LNX1: variants seen among roughly 807,000 people sequenced by gnomAD.
LNX1 encodes the protein E3 ubiquitin-protein ligase LNX.
LNX1 carries 54 observed loss-of-function variants against 68.4 expected under a neutral mutation model. The observed-to-expected ratio is 0.79, with a 90% CI of 0.63 to 0.99. The LOEUF is 0.99. LNX1 is among the 50% of genes least tolerant of loss of function. The pLI, the probability that LNX1 is intolerant of heterozygous loss-of-function variation, is 0.00. For synonymous variants in LNX1, 336 were observed against 350.0 expected (o/e 0.96, Z 0.45); for missense variants, 906 against 926.4 (o/e 0.98, Z 0.29).
At chr4:53,641,150 T>TA (rs1734665204) in intron 1 of LNX1, among the ~76,000 whole-genome samples, 2 of 149,330 alleles carry the variant, frequency 1.3e-5, no homozygotes, top group African/African-American at 4.9e-5. Context: ...TTGGCCTGGG[T>TA]ATGCTGGAGG....
At chr4:53,569,232 TG>T (rs1384854609) in intron 2 of LNX1, among the ~76,000 whole-genome samples, 1 of 151,952 alleles carries the variant, frequency 6.6e-6, no homozygotes, top group Non-Finnish European at 1.5e-5. Context: ...GGAACAAAGC[TG>T]GAGGCATCAC....
At chr4:53,546,640 A>C (rs984817459) in intron 2 of LNX1, among the ~76,000 whole-genome samples, 1 of 152,136 alleles carries the variant, frequency 6.6e-6, no homozygotes, top group Non-Finnish European at 1.5e-5. Flanking sequence ...GATTAGACTA[A>C]ATCATCTCCA....
intron 2 of LNX1, among the ~76,000 whole-genome samples, chr4:53,613,904 A>G (rs1470161387): frequency 1.3e-5 from 2 of 152,152 alleles, no homozygotes; most frequent in Non-Finnish European, 2.9e-5. Flanking sequence ...ACAATGGTTG[A>G]ACTAATTTAC....
chr4:53,551,743 G>A (rs762093600), intron 2 of LNX1, among the ~76,000 whole-genome samples: 15 of 152,086 alleles, frequency 9.9e-5, no homozygotes, highest in Non-Finnish European at 1.9e-4. Context: ...TCTTCTAAGT[G>A]TACTTCCTTT....
intron 1 of LNX1, among the ~76,000 whole-genome samples, chr4:53,585,925 G>A (rs1732145521): frequency 6.6e-6 from 1 of 152,156 alleles, no homozygotes; most frequent in South Asian, 2.1e-4. Context: ...TGCAGGAATG[G>A]GGTGAATGCT....
intron 6 of LNX1, 104 bp downstream of exon 6, chr4:53,495,919 G>T: frequency 7.4e-7 from 1 of 1,347,408 alleles, no homozygotes; most frequent in Non-Finnish European, 1.0e-6. Context: ...GGGAGGCACT[G>T]CATGACACAT....
intron 2 of LNX1, among the ~76,000 whole-genome samples, chr4:53,542,072 G>A (rs1728799354): frequency 1.3e-5 from 2 of 152,164 alleles, no homozygotes; most frequent in African/African-American, 4.8e-5. Context: ...TTGCACTCAG[G>A]GGGATGTCAG....
rs1723595248 is a variant in LNX1, at chr4:53,476,845, G to C, written c.1800C>G (p.Asp600Glu). The change falls in exon 9 of 11, where the codon GAC becomes GAG. Residue 600 changes from aspartate (D) to glutamate (E), a missense_variant. Transcript: ENST00000263925. ...LEVKEYEPQE[D>E]CSSPAALDSN... is the part of the protein sequence containing the mutation. Reference sequence around the variant, plus strand: ...AGTCCAGGGCTGCTGGGCTGCTGCAGTCTTCCTGGGGCTCATACTCTTTGA... The same window carrying C: ...AGTCCAGGGCTGCTGGGCTGCTGCACTCTTCCTGGGGCTCATACTCTTTGA... The C allele has an allele frequency of 6.2e-7, 1 of 1,614,214 alleles. No homozygotes were observed. The highest frequency in any genetic ancestry group is 1.7e-5 in the Admixed American group (1 of 60,028).
At position 53,563,566 on chromosome 4, in the gene LNX1, G is replaced by A. The variant is rs554130777; in HGVS notation, c.380+10057C>T. ...TTTTTTTTTTTTGAGACAGAGTCTCGCTCTGTCACCCAGGCTGGAGTACAG... is the reference window on the plus strand; with the variant it reads ...TTTTTTTTTTTTGAGACAGAGTCTCACTCTGTCACCCAGGCTGGAGTACAG... On this transcript the variant is annotated intron_variant, in intron 2 of 10. Coordinates refer to ENST00000263925, the MANE Select transcript of LNX1 (RefSeq NM_001126328.3). Among the ~76,000 whole-genome samples, 343 of 146,128 alleles carry A rather than the reference G, an allele frequency of 2.3e-3. 1 individual carries two copies. The highest frequency in any genetic ancestry group is 8.4e-3 in the African/African-American group (320 of 38,322).
chr4:53,460,893 AC>A lies in LNX1; in HGVS notation c.*13del. 1 of 1,605,648 alleles carries A rather than the reference AC, an allele frequency of 6.2e-7. No homozygotes were observed. The highest frequency in any genetic ancestry group is 8.5e-7 in the Non-Finnish European group (1 of 1,176,538). ...TTTGTGATTTTTCTGTTTTCCTCTG[AC>A]CCATCATTGATTCTATAAAAAAGTG... On this transcript the variant is annotated 3_prime_UTR_variant, in exon 11 of 11. Coordinates refer to ENST00000263925, the MANE Select transcript of LNX1 (RefSeq NM_001126328.3).
At position 53,508,197 on chromosome 4, in the gene LNX1, G is replaced by A. The variant is rs200324062; in HGVS notation, c.411C>T (p.Thr137=). The A allele has an allele frequency of 3.1e-6, 5 of 1,614,138 alleles. No individual in the cohort carries two copies. Among genetic ancestry groups the A allele is most frequent in the Non-Finnish European group, 4.2e-6 (5 of 1,180,008 alleles). ...CTTGTGAGCGCCTCTTCCTATCTTT[G>A]GTCAGGCCGTAGTGGGAGGCACCTT... ...SCKGASHYGL[T]KDRKRRSQDG... is the part of the protein sequence containing the mutation. The change falls in exon 3 of 11, where the codon ACC becomes ACT. Residue 137 remains threonine, a synonymous_variant. Transcript: ENST00000263925.
chr4:53,484,492 G>A lies in LNX1; in HGVS notation c.1351-2638C>T, dbSNP rs1282935956. Among the ~76,000 whole-genome samples the A allele has an allele frequency of 2.6e-5, 4 of 151,910 alleles. No homozygotes were observed. The East Asian group carries it at 7.7e-4, about 29-fold the overall frequency. On this transcript the variant is annotated intron_variant, in intron 6 of 10. Transcript: ENST00000263925. ...GGAGGAGAATTGCTTGAACCCAGAGGGTGGAGGTTGCAGCGAACCGAGATT... is the reference window on the plus strand; with the variant it reads ...GGAGGAGAATTGCTTGAACCCAGAGAGTGGAGGTTGCAGCGAACCGAGATT...
chr4:53,624,332 A>C (rs147181005), intron 1 of LNX1, among the ~76,000 whole-genome samples: 2 of 152,240 alleles, frequency 1.3e-5, no homozygotes, highest in African/African-American at 4.8e-5. Flanking sequence ...AATTTCCCCC[A>C]TACTGTTCTA....
intron 2 of LNX1, among the ~76,000 whole-genome samples, chr4:53,598,846 C>A (rs1302575148): frequency 6.6e-6 from 1 of 152,174 alleles, no homozygotes; most frequent in African/African-American, 2.4e-5. Flanking sequence ...GACATTAATT[C>A]ATTCACTTAT....
At chr4:53,523,051 TGA>T (rs1205060810) in intron 2 of LNX1, 1 of 152,230 alleles carries the variant, frequency 6.6e-6, no homozygotes, top group Non-Finnish European at 1.5e-5. Context: ...ATCTAGCTTA[TGA>T]GATACCTCAG....
intron 2 of LNX1, among the ~76,000 whole-genome samples, chr4:53,561,255 G>A (rs147741449): frequency 3.9e-5 from 6 of 152,104 alleles, no homozygotes; most frequent in East Asian, 1.9e-4. Flanking sequence ...TTGAGATGGA[G>A]TCTCATTCTG....
intron 1 of LNX1, among the ~76,000 whole-genome samples, chr4:53,582,896 G>GACC (rs1731925704): frequency 6.6e-6 from 1 of 152,028 alleles, no homozygotes; most frequent in Non-Finnish European, 1.5e-5. Flanking sequence ...GAACCAAACA[G>GACC]ACCAGCGCCT....
chr4:53,513,645 C>T (rs139158365), intron 2 of LNX1, among the ~76,000 whole-genome samples: 2 of 152,304 alleles, frequency 1.3e-5, no homozygotes, highest in Non-Finnish European at 2.9e-5. Context: ...TCTCTGGATA[C>T]CCCAAATACA....
At chr4:53,640,523 CA>C (rs2109883895) in intron 1 of LNX1, among the ~76,000 whole-genome samples, 2 of 152,282 alleles carry the variant, frequency 1.3e-5, no homozygotes, top group African/African-American at 4.8e-5. Flanking sequence ...TATGAAAACA[CA>C]TACATTTCAT....
Sources: gnomAD v4.1 joint callset for allele counts (sites outside exome capture counted in the v4.1 genomes callset) on GRCh38, gnomAD v4.1.1 for gene constraint, MANE v1.5 for transcripts, NCBI Gene and HGNC (gene_info 2026-07-23, HGNC 2026-07-21) for gene names.